MAPK8IP3: variants seen among roughly 807,000 people sequenced by gnomAD.
The protein encoded by MAPK8IP3 is mitogen-activated protein kinase 8 interacting protein 3, also known as C-Jun-amino-terminal kinase-interacting protein 3.
Under a neutral mutation model 157.8 loss-of-function variants are expected in MAPK8IP3, and 49 were observed. That is an observed-to-expected ratio of 0.31 (90% CI 0.25 to 0.39). The LOEUF (loss-of-function observed/expected upper bound fraction) is 0.39. Among genes scored for constraint, MAPK8IP3 ranks in the 10% least tolerant of loss-of-function variants. MAPK8IP3 has a pLI of 1.00. For synonymous variants in MAPK8IP3, 897 were observed against 777.7 expected, an observed-to-expected ratio of 1.15 and a Z score of -2.55; for missense variants, 1,478 against 1,889.4, an observed-to-expected ratio of 0.78 and a Z score of 4.04.
At chr16:1,750,040 G>T (rs2041200235) in intron 8 of MAPK8IP3, among the ~76,000 whole-genome samples, 1 of 152,080 alleles carries the variant, frequency 6.6e-6, no homozygotes, top group African/African-American at 2.4e-5. Flanking sequence ...CGGCGGTGAG[G>T]GCGCACTTTG....
At chr16:1,760,201 G>A (rs2041855209) in intron 11 of MAPK8IP3, 179 bp from the exon 12 acceptor site, 7 of 960,638 alleles carry the variant, frequency 7.3e-6, no homozygotes, top group Non-Finnish European at 1.1e-5. Flanking sequence ...TTGTCTCCAG[G>A]AGCCTCTAAC....
At chr16:1,733,777 C>T (rs1308090465) in intron 4 of MAPK8IP3, among the ~76,000 whole-genome samples, 1 of 152,248 alleles carries the variant, frequency 6.6e-6, no homozygotes, top group African/African-American at 2.4e-5. Flanking sequence ...CTGCACTCCC[C>T]TCAGGGAACC....
chr16:1,741,868 G>A lies in MAPK8IP3; in HGVS notation c.603-1464G>A, dbSNP rs2040701868. Among the ~76,000 whole-genome samples the A allele has an allele frequency of 6.6e-6, 1 of 152,160 alleles. No homozygotes were observed. The highest frequency in any genetic ancestry group is 1.5e-5 in the Non-Finnish European group (1 of 68,006). On this transcript the variant is annotated intron_variant, in intron 4 of 31. Transcript: ENST00000610761. The surrounding 1 kb of genome is among the most constrained non-coding windows in gnomAD (Gnocchi z 6.9). The stretch of plus-strand genomic sequence containing the variant: ...CTGAACATAACAGAGCAGGCGGCCA[G>A]TCCCCAGAGCTGTATGCACCCCACA...
At chr16:1,721,760 C>T (rs941724986) in intron 1 of MAPK8IP3, among the ~76,000 whole-genome samples, 12 of 148,166 alleles carry the variant, frequency 8.1e-5, no homozygotes, top group Admixed American at 3.4e-4. Context: ...TTTGTTTTTT[C>T]GTTTTGTTTT....
chr16:1,763,093 G>A (rs117653486), intron 16 of MAPK8IP3, 87 bp downstream of exon 16: 17 of 1,535,534 alleles, frequency 1.1e-5, no homozygotes, highest in African/African-American at 1.1e-4. Flanking sequence ...GCCCTGAAGC[G>A]GGACTTTGAG....
At position 1,768,797 on chromosome 16, in the gene MAPK8IP3, G is replaced by A. The variant is rs755542492; in HGVS notation, c.3987G>A (p.Val1329=). 3.3e-5 allele frequency: 54 copies of A among 1,612,472 alleles called. No individual in the cohort carries two copies. The highest frequency in any genetic ancestry group is 3.1e-5 in the Non-Finnish European group (36 of 1,179,818). The change falls in exon 32 of 32, where the codon GTG becomes GTA. Residue 1329 remains valine, a synonymous_variant. Coordinates refer to ENST00000610761, the MANE Select transcript of MAPK8IP3 (RefSeq NM_001318852.2). ...AGGCAGAGCGCAGTCACATCATCGT[G>A]TGGCAGGTGTCCTACACCCCCGAGT... ...LSKAERSHII[V]WQVSYTPE
At chr16:1,750,455 C>T (rs1210495474) in intron 8 of MAPK8IP3, among the ~76,000 whole-genome samples, 3 of 152,128 alleles carry the variant, frequency 2.0e-5, no homozygotes, top group African/African-American at 7.2e-5. Context: ...TCCGGTGATC[C>T]ACCCGCCTCA....
Position 1,706,618 on chromosome 16 carries a change from G to C in MAPK8IP3, c.279G>C (p.Gln93His). The change falls in exon 1 of 32, where the codon CAG (glutamine) becomes CAC (histidine). Residue 93 changes from glutamine (Q) to histidine (H), a missense_variant. By Grantham distance (24) the Gln-to-His change is conservative (BLOSUM62 0). This residue lies in a region of MAPK8IP3 where 65 missense variants were observed against 161.8 expected (regional missense o/e 0.40). Coordinates refer to ENST00000610761, the MANE Select transcript of MAPK8IP3 (RefSeq NM_001318852.2). The surrounding 1 kb of genome is among the most constrained non-coding windows in gnomAD (Gnocchi z 5.1). The stretch of plus-strand genomic sequence containing the variant: ...AGGACAACGAGCAGCTGCTCACCCA[G>C]TACGAGCGTGAGAAGGCGCTGCGCA... ...LREDNEQLLT[Q>H]YEREKALRRQ... is the part of the protein sequence containing the mutation. 1 of 1,589,196 alleles carries C rather than the reference G, an allele frequency of 6.3e-7. No homozygotes were observed. The highest frequency in any genetic ancestry group is 8.6e-7 in the Non-Finnish European group (1 of 1,168,236).
At position 1,710,997 on chromosome 16, in the gene MAPK8IP3, G is replaced by A. The variant is rs549461081; in HGVS notation, c.318+4340G>A. On this transcript the variant is annotated intron_variant, in intron 1 of 31. Transcript: ENST00000610761. The surrounding 1 kb of genome is among the most constrained non-coding windows in gnomAD (Gnocchi z 4.1). Reference sequence around the variant, plus strand: ...CAGAGGCCGAAGTGGCCCGGAGGCCGCTGGGCGCAGCCTGCCCCTCTGCCG... The same window carrying A: ...CAGAGGCCGAAGTGGCCCGGAGGCCACTGGGCGCAGCCTGCCCCTCTGCCG... Among the ~76,000 whole-genome samples, 2 of 152,230 alleles carry A rather than the reference G, an allele frequency of 1.3e-5. No individual in the cohort carries two copies. The highest frequency in any genetic ancestry group is 2.4e-5 in the African/African-American group (1 of 41,456).
intron 1 of MAPK8IP3, among the ~76,000 whole-genome samples, chr16:1,717,839 A>G (rs1273918632): frequency 1.3e-5 from 2 of 150,894 alleles, no homozygotes; most frequent in Non-Finnish European, 2.9e-5. Context: ...AGTCCCCACC[A>G]CTGAAAATTC....
intron 4 of MAPK8IP3, among the ~76,000 whole-genome samples, chr16:1,737,482 C>G (rs1410130783): frequency 5.1e-5 from 4 of 79,106 alleles, no homozygotes; most frequent in Admixed American, 3.0e-4. Flanking sequence ...ATCTGTGTGA[C>G]CGTCCGTGTG....
intron 4 of MAPK8IP3, among the ~76,000 whole-genome samples, chr16:1,738,185 C>T (rs1415589789): frequency 7.5e-5 from 4 of 53,222 alleles, no homozygotes; most frequent in Admixed American, 2.7e-4. Flanking sequence ...TGTGAGCGTC[C>T]GTGAGCGTGT....
At chr16:1,717,460 G>A (rs1362908044) in intron 1 of MAPK8IP3, among the ~76,000 whole-genome samples, 1 of 152,156 alleles carries the variant, frequency 6.6e-6, no homozygotes, top group Non-Finnish European at 1.5e-5. Flanking sequence ...CCTTCATTTT[G>A]TAATCTCAAG....
intron 4 of MAPK8IP3, among the ~76,000 whole-genome samples, chr16:1,734,220 G>C (rs1477479819): frequency 6.6e-6 from 1 of 152,252 alleles, no homozygotes; most frequent in Non-Finnish European, 1.5e-5. Context: ...AGGCGCTGGG[G>C]CTGGCGGCCC....
chr16:1,752,750 T>TAA (rs79566771), intron 8 of MAPK8IP3, among the ~76,000 whole-genome samples: 3 of 134,468 alleles, frequency 2.2e-5, no homozygotes, highest in Admixed American at 7.6e-5. Flanking sequence ...CCCTGTCTCT[T>TAA]AAAAAAAAAA....
chr16:1,706,424 G>C lies in MAPK8IP3; in HGVS notation c.85G>C (p.Val29Leu). The C allele has an allele frequency of 6.2e-7, 1 of 1,613,810 alleles. No homozygotes were observed. The highest frequency in any genetic ancestry group is 8.5e-7 in the Non-Finnish European group (1 of 1,179,946). The stretch of plus-strand genomic sequence containing the variant: ...CTCCGGCTCGGTGATGTCGGAGCGG[G>C]TGTCGGGCCTGGCGGGCTCCATCTA... ...YCSGSVMSERVSGLAGSIYRE... is the reference protein window; with the variant it reads ...YCSGSVMSERLSGLAGSIYRE... The change falls in exon 1 of 32, where the codon GTG becomes CTG. Residue 29 changes from valine (V) to leucine (L), a missense_variant. Physicochemically the swap from Val to Leu is conservative, Grantham distance 32. Coordinates refer to ENST00000610761, the MANE Select transcript of MAPK8IP3 (RefSeq NM_001318852.2). This position sits in a 1 kb window ranked among gnomAD's most constrained non-coding sequence, Gnocchi z 5.1.
At position 1,762,873 on chromosome 16, in the gene MAPK8IP3, C is replaced by A. The variant is rs1364743445; in HGVS notation, c.1765C>A (p.Pro589Thr). 1 of 1,613,230 alleles carries A rather than the reference C, an allele frequency of 6.2e-7. No homozygotes were observed. Among genetic ancestry groups the A allele is most frequent in the South Asian group, 1.1e-5 (1 of 91,088 alleles). The change falls in exon 16 of 32, where the codon CCG (proline) becomes ACG (threonine). Residue 589 changes from proline (P) to threonine (T), a missense_variant. Physicochemically the swap from Pro to Thr is conservative, Grantham distance 38 (BLOSUM62 -1). This residue lies in a region of MAPK8IP3 where 669 missense variants were observed against 759.8 expected (regional missense o/e 0.88). Transcript: ENST00000610761. Reference sequence around the variant, plus strand: ...CTTCAGCTCTTCCTCCAGCCCCCCTCCGGCCAAGCGCCCCTATCCCTCGGT... The same window carrying A: ...CTTCAGCTCTTCCTCCAGCCCCCCTACGGCCAAGCGCCCCTATCCCTCGGT... ...RLFSSSSSPP[P>T]AKRPYPSVNI...
At chr16:1,712,765 C>T (rs1224642000) in intron 1 of MAPK8IP3, among the ~76,000 whole-genome samples, 2 of 152,226 alleles carry the variant, frequency 1.3e-5, no homozygotes, top group Non-Finnish European at 2.9e-5. Context: ...TGCCCCCACC[C>T]CTCCCTCGGG....
At chr16:1,729,905 G>C (rs758632238) in intron 4 of MAPK8IP3, among the ~76,000 whole-genome samples, 1 of 151,972 alleles carries the variant, frequency 6.6e-6, no homozygotes, top group Non-Finnish European at 1.5e-5. Context: ...GTATCTACTC[G>C]CTAAAATATA....
Sources: allele counts gnomAD v4.1 joint callset (sites outside exome capture counted in the v4.1 genomes callset), GRCh38; gene constraint gnomAD v4.1.1; regional missense constraint gnomAD v4.1.1; non-coding constraint Gnocchi (gnomAD v3.1); transcripts MANE v1.5; gene names NCBI Gene and HGNC (gene_info 2026-07-23, HGNC 2026-07-21).